PCDH7: variants seen among roughly 807,000 people sequenced by gnomAD.
The protein encoded by PCDH7 is protocadherin 7, also known as protocadherin-7.
In PCDH7, 17 loss-of-function variants were observed where a neutral mutation model predicts 58.9. The observed-to-expected ratio is 0.29, with a 90% CI of 0.20 to 0.43. The LOEUF (loss-of-function observed/expected upper bound fraction) is 0.43, where lower values mean the gene tolerates loss of function less well. PCDH7 is among the 20% of genes least tolerant of loss of function. The pLI, the probability that PCDH7 is intolerant of heterozygous loss-of-function variation, is 1.00. For missense variants in PCDH7, 1,274 were observed against 1,441.0 expected, an observed-to-expected ratio of 0.88 and a Z score of 1.88; for synonymous variants, 664 against 616.4, an observed-to-expected ratio of 1.08 and a Z score of -1.14.
In PCDH7 at chr4:31,121,890, G is replaced by A. The variant is rs144977963; in HGVS notation, c.*8-20583G>A. Among the ~76,000 whole-genome samples the A allele has an allele frequency of 5.5e-4, 84 of 152,184 alleles. 1 individual carries two copies. The highest frequency in any genetic ancestry group is 2.7e-3 in the East Asian group (14 of 5,176). ...AAGGTAGCAGATTTTATTATATCTT[G>A]CTCAGGAGGAAAAACTTCATGGTGC... is the stretch of plus-strand genomic sequence containing the variant. On this transcript the variant is annotated intron_variant, in intron 3 of 3. Transcript: ENST00000509759.
intron 2 of PCDH7, among the ~76,000 whole-genome samples, chr4:30,943,725 T>C (rs1034962486): frequency 7.1e-6 from 1 of 141,348 alleles, no homozygotes; most frequent in African/African-American, 2.6e-5. Context: ...TTTTTTGCTG[T>C]TTTTTTTTTT....
intron 1 of PCDH7, among the ~76,000 whole-genome samples, chr4:30,802,561 A>G (rs903281710): frequency 2.6e-5 from 4 of 152,138 alleles, no homozygotes; most frequent in African/African-American, 9.7e-5. Context: ...CAAAAGAATA[A>G]GGATTCTTTT....
At chr4:31,016,841 G>A (rs1753646892) in intron 3 of PCDH7, among the ~76,000 whole-genome samples, 1 of 149,782 alleles carries the variant, frequency 6.7e-6, no homozygotes, top group African/African-American at 2.5e-5. Flanking sequence ...TGTGTGCTGG[G>A]TGTGTGTGCT....
intron 3 of PCDH7, among the ~76,000 whole-genome samples, chr4:31,028,116 T>G (rs1754594241): frequency 6.6e-6 from 1 of 152,180 alleles, no homozygotes. Context: ...GCCAAATTAT[T>G]TATTTTGTAT....
chr4:30,908,469 A>G (rs2109402312), intron 1 of PCDH7, among the ~76,000 whole-genome samples: 1 of 152,190 alleles, frequency 6.6e-6, no homozygotes, highest in Non-Finnish European at 1.5e-5. Context: ...GGGAATGAGG[A>G]GTTTACAGTA....
chr4:30,744,405 G>A (rs75678166), intron 1 of PCDH7, among the ~76,000 whole-genome samples: 3,670 of 152,252 alleles, frequency 0.024, 215 homozygotes, highest in East Asian at 0.22. Flanking sequence ...GGGACCATAA[G>A]TAAGACTGTA....
chr4:30,968,250 G>T (rs1441193520), intron 3 of PCDH7, among the ~76,000 whole-genome samples: 1 of 146,944 alleles, frequency 6.8e-6, no homozygotes, highest in Non-Finnish European at 1.5e-5. Context: ...TCAAGATGCA[G>T]TGAGAAGGAC....
intron 3 of PCDH7, among the ~76,000 whole-genome samples, chr4:30,998,769 C>T (rs1229402455): frequency 6.6e-6 from 1 of 152,036 alleles, no homozygotes; most frequent in Non-Finnish European, 1.5e-5. Flanking sequence ...TAATCAGGAA[C>T]AGCTAGAATT....
At chr4:30,977,712 G>A (rs1750195085) in intron 3 of PCDH7, among the ~76,000 whole-genome samples, 1 of 152,100 alleles carries the variant, frequency 6.6e-6, no homozygotes, top group Non-Finnish European at 1.5e-5. Flanking sequence ...CCTCTTCATA[G>A]TGTGAGTCAT....
intron 1 of PCDH7, among the ~76,000 whole-genome samples, chr4:30,763,396 G>T (rs1720300176): frequency 6.6e-6 from 1 of 152,144 alleles, no homozygotes; most frequent in Non-Finnish European, 1.5e-5. Flanking sequence ...TCACCACAGT[G>T]ATCTTTATCT....
At chr4:31,145,567 G>A (rs544231471), downstream of PCDH7, 104 of 152,156 alleles carry the variant, frequency 6.8e-4, 2 homozygotes, top group African/African-American at 2.4e-3. Context: ...TTTGGACAAT[G>A]AGGGGAAATG....
chr4:31,047,870 C>T (rs1756410050), intron 3 of PCDH7, among the ~76,000 whole-genome samples: 1 of 151,910 alleles, frequency 6.6e-6, no homozygotes, highest in Non-Finnish European at 1.5e-5. Context: ...TGATAAGTTC[C>T]CACTTGATAG....
intron 3 of PCDH7, among the ~76,000 whole-genome samples, chr4:30,979,330 AAAAAAAAAAG>A (rs950604801): frequency 6.6e-6 from 1 of 151,388 alleles, no homozygotes; most frequent in African/African-American, 2.4e-5. Flanking sequence ...TGTCTCAAAA[AAAAAAAAAAG>A]AAAAAAAAGA....
At chr4:30,972,624 C>A (rs1749690759) in intron 3 of PCDH7, among the ~76,000 whole-genome samples, 1 of 152,162 alleles carries the variant, frequency 6.6e-6, no homozygotes, top group Non-Finnish European at 1.5e-5. Context: ...TAATTATCCA[C>A]TACAACACAA....
At chr4:31,011,779 G>T (rs902858712) in intron 3 of PCDH7, among the ~76,000 whole-genome samples, 2 of 151,682 alleles carry the variant, frequency 1.3e-5, no homozygotes, top group African/African-American at 2.4e-5. Context: ...AATGTTTGGG[G>T]CTATACTAAA....
intron 3 of PCDH7, among the ~76,000 whole-genome samples, chr4:31,128,938 A>G (rs1387444260): frequency 6.6e-6 from 1 of 152,222 alleles, no homozygotes; most frequent in African/African-American, 2.4e-5. Context: ...CAAAAAAGCA[A>G]AAGCCACATT....
chr4:31,087,078 T>C (rs1335725299), intron 3 of PCDH7, among the ~76,000 whole-genome samples: 1 of 152,114 alleles, frequency 6.6e-6, no homozygotes, highest in African/African-American at 2.4e-5. Context: ...TTCTCTGCAT[T>C]GTGGGGAGCA....
At chr4:31,106,473 G>A (rs528407824) in intron 3 of PCDH7, among the ~76,000 whole-genome samples, 1 of 152,188 alleles carries the variant, frequency 6.6e-6, no homozygotes, top group Non-Finnish European at 1.5e-5. Flanking sequence ...TTCTGAGTGC[G>A]ATGAAGTGAG....
chr4:30,747,402 G>A lies in PCDH7; in HGVS notation c.70+22806G>A, dbSNP rs188921430. 1.2e-3 allele frequency among the ~76,000 whole-genome samples: 180 copies of A among 152,244 alleles called. 2 individuals are homozygous for A. The highest frequency in any genetic ancestry group is 1.5e-3 in the Non-Finnish European group (102 of 68,034). On this transcript the variant is annotated intron_variant, in intron 1 of 3. Transcript: ENST00000509759. ...TTTTTTATTTTAAATGGCTCTTACG[G>A]TCAAAAGTCAGAAATGGGTCTCACT...
Sources: allele counts gnomAD v4.1 joint callset (sites outside exome capture counted in the v4.1 genomes callset), GRCh38; gene constraint gnomAD v4.1.1; transcripts MANE v1.5; gene names NCBI Gene and HGNC (gene_info 2026-07-23, HGNC 2026-07-21).